CAMK2G: variants seen among roughly 807,000 people sequenced by gnomAD.
CAMK2G encodes the protein calcium/calmodulin-dependent protein kinase type II subunit gamma.
In CAMK2G, 23 loss-of-function variants were observed where a neutral mutation model predicts 88.7. The ratio of observed to expected loss-of-function variants is 0.26; its 90% CI spans 0.19 to 0.37. CAMK2G has a LOEUF of 0.37. Among genes scored for constraint, CAMK2G ranks in the 10% least tolerant of loss-of-function variants. The pLI, the probability that CAMK2G is intolerant of heterozygous loss-of-function variation, is 1.00. For missense variants in CAMK2G, 476 were observed against 780.8 expected (o/e 0.61, Z 4.65); for synonymous variants, 263 against 294.8 (o/e 0.89, Z 1.11).
At chr10:73,830,566 G>A (rs1281183224) in intron 14 of CAMK2G, among the ~76,000 whole-genome samples, 3 of 152,218 alleles carry the variant, frequency 2.0e-5, no homozygotes, top group Non-Finnish European at 2.9e-5. Context: ...AATTCAAATA[G>A]TACTTAGGGA....
intron 3 of CAMK2G, among the ~76,000 whole-genome samples, chr10:73,859,249 G>A (rs562995487): frequency 6.6e-6 from 1 of 152,334 alleles, no homozygotes; most frequent in African/African-American, 2.4e-5. Flanking sequence ...CTCATAGTGG[G>A]TGACAAGGAC....
chr10:73,868,130 C>T (rs965763575), intron 2 of CAMK2G, among the ~76,000 whole-genome samples: 1 of 152,178 alleles, frequency 6.6e-6, no homozygotes, highest in African/African-American at 2.4e-5. Context: ...AGCAAGCATA[C>T]AGATGGGAGC....
chr10:73,814,357 G>A lies in CAMK2G; in HGVS notation c.*161C>T, dbSNP rs2084779147. 1 of 145,502 alleles carries A rather than the reference G, an allele frequency of 6.9e-6. No homozygotes were observed. The highest frequency in any genetic ancestry group is 1.5e-5 in the Non-Finnish European group (1 of 66,104). The allele number at this position is 145,502 out of a possible 1,614,324, so 9.0% of individuals were successfully genotyped here. A position where few individuals can be genotyped will look rare whatever the true frequency, so the allele number is the denominator to read the frequency against. On this transcript the variant is annotated 3_prime_UTR_variant, in exon 23 of 23. Coordinates refer to ENST00000423381, the MANE Select transcript of CAMK2G (RefSeq NM_001367534.1). ...GACAGACACGAAGGGCGGGCGGGAGGGCTGCATGCAGGGGCGTGCATTGGC... is the reference window on the plus strand; with the variant it reads ...GACAGACACGAAGGGCGGGCGGGAGAGCTGCATGCAGGGGCGTGCATTGGC...
intron 12 of CAMK2G, among the ~76,000 whole-genome samples, chr10:73,840,620 T>C (rs1038896860): frequency 1.3e-5 from 2 of 152,214 alleles, no homozygotes; most frequent in African/African-American, 4.8e-5. Flanking sequence ...AAATGCTTTG[T>C]CCTAACACCC....
chr10:73,871,059 G>A (rs191426632), intron 2 of CAMK2G, among the ~76,000 whole-genome samples: 1 of 152,156 alleles, frequency 6.6e-6, no homozygotes, highest in African/African-American at 2.4e-5. Flanking sequence ...AGTCAACCTG[G>A]CACATGAGGC....
At chr10:73,825,052 C>T (rs986762733) in intron 16 of CAMK2G, among the ~76,000 whole-genome samples, 5 of 152,276 alleles carry the variant, frequency 3.3e-5, no homozygotes, top group African/African-American at 4.8e-5. Context: ...CCCCCACCAG[C>T]GAAAGGAGCA....
chr10:73,820,486 A>ATT (rs1472342764), intron 18 of CAMK2G, among the ~76,000 whole-genome samples: 51 of 51,868 alleles, frequency 9.8e-4, no homozygotes, highest in Middle Eastern at 9.6e-3. Context: ...ATATATATAT[A>ATT]TATATATTTT....
In CAMK2G at chr10:73,820,492, A is replaced by ATATAT. The variant is rs1554995765; in HGVS notation, c.1250-848_1250-847insATATA. On this transcript the variant is annotated intron_variant, in intron 18 of 22. Transcript: ENST00000423381. ...TATATATATATATATATATATATAT[A>ATATAT]TTTTTTTTTTTTTTTTTTTCTTGAG... 2.8e-3 allele frequency among the ~76,000 whole-genome samples: 141 copies of ATATAT among 51,048 alleles called. 2 individuals are homozygous for ATATAT. The highest frequency in any genetic ancestry group is 6.5e-3 in the South Asian group (7 of 1,076). 33.5% of individuals were successfully genotyped at this position (51,048 alleles called of 152,430 possible). A position where few individuals can be genotyped will look rare whatever the true frequency, so the allele number is the denominator to read the frequency against.
rs1590425134 is a variant in CAMK2G, at chr10:73,839,426, C to G, written c.1009+113G>C. On this transcript the variant is annotated intron_variant, in intron 13 of 22. Transcript: ENST00000423381. This position sits in a 1 kb window ranked among gnomAD's most constrained non-coding sequence, Gnocchi z 4.2. ...GGTAGTCTGTCTGGCATGCCCATCTCAGCCCGCAAGCATGGGACTCGCCTC... is the reference window on the plus strand; with the variant it reads ...GGTAGTCTGTCTGGCATGCCCATCTGAGCCCGCAAGCATGGGACTCGCCTC... 2.0e-6 allele frequency: 1 copy of G among 511,776 alleles called. No homozygotes were observed. Among genetic ancestry groups the G allele is most frequent in the African/African-American group, 2.0e-5 (1 of 50,642 alleles). 31.7% of individuals were successfully genotyped at this position (511,776 alleles called of 1,614,324 possible). A position where few individuals can be genotyped will look rare whatever the true frequency, so the allele number is the denominator to read the frequency against.
At position 73,835,758 on chromosome 10, in the gene CAMK2G, A is replaced by T. The variant is rs373716872; in HGVS notation, c.1053+1710T>A. Among the ~76,000 whole-genome samples, 20 of 152,336 alleles carry T rather than the reference A, an allele frequency of 1.3e-4. No homozygotes were observed. In the South Asian group the frequency reaches 2.5e-3, roughly 19 times the overall value. On this transcript the variant is annotated intron_variant, in intron 14 of 22. Coordinates refer to ENST00000423381, the MANE Select transcript of CAMK2G (RefSeq NM_001367534.1). ...ACCCTGTGTTCTCACTGGGCAGAGAACATCAATATGTATAAGAGAACCCAT... is the reference window on the plus strand; with the variant it reads ...ACCCTGTGTTCTCACTGGGCAGAGATCATCAATATGTATAAGAGAACCCAT...
intron 1 of CAMK2G, 83 bp from the exon 2 acceptor site, chr10:73,873,166 C>T: frequency 1.9e-6 from 2 of 1,046,178 alleles, no homozygotes; most frequent in South Asian, 2.5e-5. Context: ...GACGATGATG[C>T]TCCCACCACC....
chr10:73,833,149 G>A (rs2092723114), intron 14 of CAMK2G, among the ~76,000 whole-genome samples: 1 of 148,192 alleles, frequency 6.7e-6, no homozygotes, highest in African/African-American at 2.5e-5. Context: ...TTTTTTAAGA[G>A]ATGGGGTCTC....
chr10:73,832,385 C>T (rs1355673695), intron 14 of CAMK2G, among the ~76,000 whole-genome samples: 1 of 152,038 alleles, frequency 6.6e-6, no homozygotes, highest in African/African-American at 2.4e-5. Context: ...TGGCTCACCG[C>T]AACCTCCGAC....
intron 5 of CAMK2G, among the ~76,000 whole-genome samples, chr10:73,849,611 A>G (rs2094484828): frequency 6.6e-6 from 1 of 152,170 alleles, no homozygotes; most frequent in Non-Finnish European, 1.5e-5. Context: ...TAACACAACC[A>G]ACTCATTTCC....
intron 17 of CAMK2G, among the ~76,000 whole-genome samples, chr10:73,822,357 G>A (rs948261520): frequency 2.0e-5 from 3 of 152,120 alleles, no homozygotes; most frequent in Admixed American, 2.0e-4. Context: ...TATTAGAGAT[G>A]GGGTTTCATC....
intron 14 of CAMK2G, among the ~76,000 whole-genome samples, chr10:73,836,660 A>T (rs184114720): frequency 6.6e-6 from 1 of 152,328 alleles, no homozygotes; most frequent in Admixed American, 6.5e-5. Flanking sequence ...TCTTGGGAAA[A>T]GGCCCAGTGA....
At chr10:73,818,393 T>C in intron 19 of CAMK2G, 1 of 299,734 alleles carries the variant, frequency 3.3e-6, no homozygotes, top group South Asian at 3.1e-5. Flanking sequence ...GGGCTTCTCT[T>C]ATAGGGAATG....
At chr10:73,850,819 G>A (rs2094560042) in intron 5 of CAMK2G, among the ~76,000 whole-genome samples, 1 of 150,576 alleles carries the variant, frequency 6.6e-6, no homozygotes, top group South Asian at 2.1e-4. Flanking sequence ...GCCCAAGAGT[G>A]GGCCACAGAA....
chr10:73,870,840 T>C (rs992559768), intron 2 of CAMK2G, among the ~76,000 whole-genome samples: 1 of 152,134 alleles, frequency 6.6e-6, no homozygotes, highest in Non-Finnish European at 1.5e-5. Flanking sequence ...CCTAACCCCA[T>C]GGGAACCAGC....
Sources: allele counts gnomAD v4.1 joint callset (sites outside exome capture counted in the v4.1 genomes callset), GRCh38; gene constraint gnomAD v4.1.1; non-coding constraint Gnocchi (gnomAD v3.1); transcripts MANE v1.5; gene names NCBI Gene and HGNC (gene_info 2026-07-23, HGNC 2026-07-21).